LCOR: variants seen among roughly 807,000 people sequenced by gnomAD.
LCOR encodes the protein ligand dependent nuclear receptor corepressor, also known as ligand-dependent corepressor.
Under a neutral mutation model 64.4 loss-of-function variants are expected in LCOR, and 14 were observed. The ratio of observed to expected loss-of-function variants is 0.22; its 90% CI spans 0.14 to 0.34. The LOEUF (loss-of-function observed/expected upper bound fraction) is 0.34. LCOR is among the 10% of genes least tolerant of loss of function. The pLI is 1.00. For synonymous variants in LCOR, 643 were observed against 642.5 expected, an observed-to-expected ratio of 1.00 and a Z score of -0.01; for missense variants, 1,686 against 1,765.3, an observed-to-expected ratio of 0.96 and a Z score of 0.80.
intron 4 of LCOR, among the ~76,000 whole-genome samples, chr10:96,930,358 C>T (rs1236742042): frequency 6.6e-6 from 1 of 152,034 alleles, no homozygotes; most frequent in Non-Finnish European, 1.5e-5. Context: ...TAATCTAGGT[C>T]TTTGATCTTT....
At chr10:96,934,742 C>T (rs1847318837) in intron 4 of LCOR, among the ~76,000 whole-genome samples, 1 of 152,136 alleles carries the variant, frequency 6.6e-6, no homozygotes, top group South Asian at 2.1e-4. Flanking sequence ...GCTGGGATTA[C>T]AGGCATGCGC....
At position 96,868,464 on chromosome 10, in the gene LCOR, C is replaced by T. The variant is rs537500164; in HGVS notation, c.-330+34985C>T. Among the ~76,000 whole-genome samples, 7 of 151,172 alleles carry T rather than the reference C, an allele frequency of 4.6e-5. No homozygotes were observed. The South Asian group carries it at 6.3e-4, about 14-fold the overall frequency. ...TAATTTTTTGTATTTTTAGTAGAGA[C>T]GGGGTTTCACTGTGTTAGCCAGGCT... On this transcript the variant is annotated intron_variant, in intron 2 of 7. Coordinates refer to ENST00000421806, the MANE Select transcript of LCOR (RefSeq NM_001346516.2).
chr10:96,906,668 A>C lies in LCOR; in HGVS notation c.-329-597A>C, dbSNP rs138809873. Among the ~76,000 whole-genome samples, 161 of 152,008 alleles carry C rather than the reference A, an allele frequency of 1.1e-3. 1 individual carries two copies. Among genetic ancestry groups the C allele is most frequent in the African/African-American group, 3.7e-3 (155 of 41,438 alleles). ...TTTGATTTTTTTCTCTTTTTTTTGT[A>C]TGTACAATCAGTGGGGTTTACGTTT... On this transcript the variant is annotated intron_variant, in intron 2 of 7. Transcript: ENST00000421806.
At chr10:96,966,420 G>T (rs551409933) in intron 7 of LCOR, among the ~76,000 whole-genome samples, 6 of 151,672 alleles carry the variant, frequency 4.0e-5, no homozygotes, top group Non-Finnish European at 8.8e-5. Flanking sequence ...AGTAGAAACG[G>T]GGTTTCACCG....
intron 2 of LCOR, among the ~76,000 whole-genome samples, chr10:96,844,972 A>G (rs1845602066): frequency 6.6e-6 from 1 of 152,222 alleles, no homozygotes; most frequent in Non-Finnish European, 1.5e-5. Context: ...TCCTGAATCT[A>G]GCCAAATGCC....
chr10:96,885,016 TA>T (rs1262152613), intron 2 of LCOR, among the ~76,000 whole-genome samples: 1 of 152,208 alleles, frequency 6.6e-6, no homozygotes, highest in African/African-American at 2.4e-5. Flanking sequence ...TTATATATAG[TA>T]ATAAGACTTT....
chr10:96,900,484 T>C (rs1377122950), intron 2 of LCOR, among the ~76,000 whole-genome samples: 1 of 150,796 alleles, frequency 6.6e-6, no homozygotes, highest in Non-Finnish European at 1.5e-5. Context: ...ATCAATGATA[T>C]AATAGAGAAG....
intron 4 of LCOR, chr10:96,915,809 G>T: frequency 1.7e-6 from 1 of 577,534 alleles, no homozygotes; most frequent in Non-Finnish European, 3.3e-6. Flanking sequence ...TGGAGGAGCA[G>T]GGTTAGCAGA....
intron 2 of LCOR, among the ~76,000 whole-genome samples, chr10:96,887,463 T>C (rs1437337157): frequency 3.3e-5 from 5 of 151,256 alleles, no homozygotes; most frequent in Admixed American, 2.0e-4. Flanking sequence ...CTTGGGAGGC[T>C]GAGGCAGGAG....
At chr10:96,973,419 A>C (rs1848014513) in intron 7 of LCOR, among the ~76,000 whole-genome samples, 1 of 152,236 alleles carries the variant, frequency 6.6e-6, no homozygotes, top group African/African-American at 2.4e-5. Flanking sequence ...AGGATACAAC[A>C]GATGTGAAAT....
intron 2 of LCOR, among the ~76,000 whole-genome samples, chr10:96,845,087 AAGG>A (rs1359498029): frequency 6.6e-6 from 1 of 152,182 alleles, no homozygotes; most frequent in African/African-American, 2.4e-5. Context: ...AATTACTGAG[AAGG>A]AGAAGAAGAA....
At chr10:96,832,424 C>T in intron 1 of LCOR, 25 bp downstream of exon 1, 1 of 934,118 alleles carries the variant, frequency 1.1e-6, no homozygotes, top group Non-Finnish European at 1.3e-6. Flanking sequence ...CGACCGCCGC[C>T]GCCCCTCCGG....
chr10:96,959,664 C>G (rs1007227637), intron 7 of LCOR: 4 of 151,858 alleles, frequency 2.6e-5, no homozygotes, highest in African/African-American at 9.7e-5. Flanking sequence ...TTTTTCTGTT[C>G]CCCAAATACC....
intron 4 of LCOR, among the ~76,000 whole-genome samples, chr10:96,936,999 C>T (rs1847362516): frequency 6.6e-6 from 1 of 151,960 alleles, no homozygotes; most frequent in South Asian, 2.1e-4. Flanking sequence ...TGTACTATAC[C>T]ATGGGTAACT....
At chr10:96,873,616 G>GTT (rs1554833545) in intron 2 of LCOR, among the ~76,000 whole-genome samples, 13 of 144,252 alleles carry the variant, frequency 9.0e-5, no homozygotes, top group South Asian at 2.2e-4. Context: ...GTGTGTGTGT[G>GTT]TTTTGAGACA....
rs201074695 is a variant in LCOR at position 96,951,350 on chromosome 10, GT to G, written c.239-750del. Among the ~76,000 whole-genome samples the G allele has an allele frequency of 3.3e-3, 502 of 152,176 alleles. 3 individuals are homozygous for G. The highest frequency in any genetic ancestry group is 0.012 in the African/African-American group (483 of 41,564). ...CCAGGCTCTCATCAGTATCAAGACAGTTTCATTCTTCTTTCTTTAAACTTTC... is the reference window on the plus strand; with the variant it reads ...CCAGGCTCTCATCAGTATCAAGACAGTTCATTCTTCTTTCTTTAAACTTTC... On this transcript the variant is annotated intron_variant, in intron 6 of 7. Transcript: ENST00000421806.
intron 7 of LCOR, chr10:96,957,847 A>G: frequency 5.1e-6 from 5 of 985,882 alleles, no homozygotes; most frequent in Non-Finnish European, 6.0e-6. Flanking sequence ...TAGCAGTTTA[A>G]TCAGTGGATA....
In LCOR at chr10:96,897,114, AAAAC is replaced by A. The variant is rs1369016257; in HGVS notation, c.-329-10150_-329-10147del. Reference sequence around the variant, plus strand: ...GAGAAAGAAAAGCAAAAAAAAAAAAAAAACCCAAAAGAATGCTTACCTCTCACAG... The same window carrying A: ...GAGAAAGAAAAGCAAAAAAAAAAAAACCAAAAGAATGCTTACCTCTCACAG... On this transcript the variant is annotated intron_variant, in intron 2 of 7. Coordinates refer to ENST00000421806, the MANE Select transcript of LCOR (RefSeq NM_001346516.2). 1.3e-4 allele frequency among the ~76,000 whole-genome samples: 19 copies of A among 151,648 alleles called. No individual in the cohort carries two copies. In the Middle Eastern group the frequency reaches 0.01, roughly 81 times the overall value.
chr10:96,873,261 T>C (rs570589796), intron 2 of LCOR, among the ~76,000 whole-genome samples: 6 of 152,290 alleles, frequency 3.9e-5, no homozygotes, highest in South Asian at 2.1e-4. Flanking sequence ...TTCTAAAAGC[T>C]GCTTCTGAGT....
Sources: gnomAD v4.1 joint callset for allele counts (sites outside exome capture counted in the v4.1 genomes callset) on GRCh38, gnomAD v4.1.1 for gene constraint, MANE v1.5 for transcripts, NCBI Gene and HGNC (gene_info 2026-07-23, HGNC 2026-07-21) for gene names.